Variants in LIPA observed in about 807,000 individuals in gnomAD.
LIPA encodes lysosomal acid lipase/cholesteryl ester hydrolase.
A neutral mutation model predicts 40.6 loss-of-function variants in LIPA; 26 were observed. That is an observed-to-expected ratio of 0.64 (90% CI 0.47 to 0.89). LIPA has a LOEUF of 0.89. LIPA is among the 40% of genes least tolerant of loss of function. LIPA has a pLI of 0.00. For missense variants in LIPA, 455 were observed against 479.6 expected (o/e 0.95, Z 0.48); for synonymous variants, 188 against 168.4 (o/e 1.12, Z -0.90).
chr10:89,314,332 T>C (rs1843530914), intron 1 of LIPA, among the ~76,000 whole-genome samples: 1 of 152,240 alleles, frequency 6.6e-6, no homozygotes, highest in Admixed American at 6.5e-5. Flanking sequence ...AGAATTTGAC[T>C]CCATATGTAA....
At chr10:89,282,621 C>G in intron 1 of LIPA, among the ~76,000 whole-genome samples, 1 of 151,660 alleles carries the variant, frequency 6.6e-6, no homozygotes, top group East Asian at 1.9e-4. Flanking sequence ...GCCTGGGTAA[C>G]AAGAGCGAAA....
chr10:89,383,941 G>C (rs765880730), intron 2 of LIPA: 1 of 1,614,184 alleles, frequency 6.2e-7, no homozygotes, highest in Admixed American at 1.7e-5. Flanking sequence ...AAAACGAGCT[G>C]TCAGGCTAAA....
intron 2 of LIPA, among the ~76,000 whole-genome samples, chr10:89,247,174 C>T (rs560939575): frequency 4.6e-5 from 7 of 151,794 alleles, no homozygotes; most frequent in South Asian, 2.1e-4. Context: ...AGTTCAAGAC[C>T]ACCCTGGGCA....
At chr10:89,330,992 C>T (rs1282192221) in intron 1 of LIPA, among the ~76,000 whole-genome samples, 1 of 150,164 alleles carries the variant, frequency 6.7e-6, no homozygotes, top group Non-Finnish European at 1.5e-5. Context: ...TCAGAAGGCT[C>T]AGGATCCAGT....
intron 2 of LIPA, among the ~76,000 whole-genome samples, chr10:89,400,932 C>G (rs1304584911): frequency 6.6e-6 from 1 of 151,406 alleles, no homozygotes; most frequent in African/African-American, 2.4e-5. Flanking sequence ...GAGATAGTTC[C>G]CCTGTATTAG....
At chr10:89,277,650 C>T (rs977829454) in intron 1 of LIPA, among the ~76,000 whole-genome samples, 2 of 152,146 alleles carry the variant, frequency 1.3e-5, no homozygotes, top group Non-Finnish European at 2.9e-5. Context: ...ATACAGAAAA[C>T]AACCACTGAA....
At chr10:89,280,892 TCC>T (rs1843311140) in intron 1 of LIPA, among the ~76,000 whole-genome samples, 1 of 152,180 alleles carries the variant, frequency 6.6e-6, no homozygotes, top group African/African-American at 2.4e-5. Context: ...CTCTTTGCAT[TCC>T]AGCTATTATA....
intron 2 of LIPA, among the ~76,000 whole-genome samples, chr10:89,402,044 C>A (rs1482473930): frequency 6.6e-6 from 1 of 152,146 alleles, no homozygotes; most frequent in Non-Finnish European, 1.5e-5. Flanking sequence ...CTCCATTCTA[C>A]AAATAGGACT....
chr10:89,256,867 T>C (rs1410505759), intron 1 of LIPA, among the ~76,000 whole-genome samples: 1 of 152,196 alleles, frequency 6.6e-6, no homozygotes, highest in Admixed American at 6.5e-5. Context: ...CTTTGGGCCA[T>C]TGTGAGCCAC....
chr10:89,267,859 T>C (rs1843246216), intron 1 of LIPA, among the ~76,000 whole-genome samples: 1 of 152,040 alleles, frequency 6.6e-6, no homozygotes, highest in African/African-American at 2.4e-5. Flanking sequence ...CGGAGGACAC[T>C]GGAACCGGCA....
intron 1 of LIPA, among the ~76,000 whole-genome samples, chr10:89,413,246 C>G (rs183000663): frequency 6.6e-6 from 1 of 152,136 alleles, no homozygotes; most frequent in Non-Finnish European, 1.5e-5. Flanking sequence ...TTTCTATTAA[C>G]TTATCAGTTT....
intron 1 of LIPA, among the ~76,000 whole-genome samples, chr10:89,286,031 T>C (rs1589588865): frequency 6.6e-6 from 1 of 152,134 alleles, no homozygotes; most frequent in African/African-American, 2.4e-5. Flanking sequence ...GCAATGCCAC[T>C]TAACCCCAAT....
At chr10:89,230,069 C>A (rs1382990400) in intron 3 of LIPA, among the ~76,000 whole-genome samples, 21 of 152,068 alleles carry the variant, frequency 1.4e-4, no homozygotes, top group Non-Finnish European at 5.9e-5. Flanking sequence ...CTCACCTGTA[C>A]CCGAGACAGT....
In LIPA at chr10:89,228,311, A is replaced by T. The variant is rs764293531; in HGVS notation, c.317T>A (p.Phe106Tyr). 2 of 1,614,118 alleles carry T rather than the reference A, an allele frequency of 1.2e-6. No homozygotes were observed. The highest frequency in any genetic ancestry group is 1.7e-5 in the Admixed American group (1 of 60,014). ...GTCAAAACCAGCATCAGCAAGAATG[A>T]AGCCCAGGCTGCTGTTGGCAAGGTT... is the stretch of plus-strand genomic sequence containing the variant. Reference protein sequence around the residue: ...VTNLANSSLGFILADAGFDVW... With the variant: ...VTNLANSSLGYILADAGFDVW... Residue 106 changes from phenylalanine to tyrosine, a missense_variant, in exon 4 of 10, where the codon TTC (phenylalanine) becomes TAC (tyrosine). Transcript: ENST00000336233.
In LIPA at chr10:89,280,655, G is replaced by A. The variant is rs150064240; in HGVS notation, c.-1-33006C>T. Among the ~76,000 whole-genome samples the A allele has an allele frequency of 5.4e-4, 83 of 152,304 alleles. No homozygotes were observed. In the Middle Eastern group the frequency reaches 0.02, roughly 37 times the overall value. ...CTGCTGATTTCTGCTACTTTTGACC[G>A]TAGCCCATATTTATGTGTCGGTTGG... On this transcript the variant is annotated intron_variant, in intron 1 of 5. Transcript: ENST00000282673.
intron 1 of LIPA, among the ~76,000 whole-genome samples, chr10:89,287,424 A>T (rs1002625067): frequency 2.0e-5 from 3 of 152,006 alleles, no homozygotes; most frequent in East Asian, 1.9e-4. Flanking sequence ...CCCTTTTTTA[A>T]TTATCCCCAC....
intron 1 of LIPA, among the ~76,000 whole-genome samples, chr10:89,251,326 C>A (rs1843116105): frequency 6.6e-6 from 1 of 152,200 alleles, no homozygotes; most frequent in South Asian, 2.1e-4. Flanking sequence ...CTTTCGACCA[C>A]GCCGTTGGCT....
intron 1 of LIPA, among the ~76,000 whole-genome samples, chr10:89,296,084 C>A (rs898256985): frequency 5.9e-5 from 9 of 152,186 alleles, no homozygotes; most frequent in Admixed American, 3.3e-4. Flanking sequence ...CAATAGTTTT[C>A]TTGAATACTG....
At chr10:89,316,427 C>G (rs1198482960) in intron 1 of LIPA, among the ~76,000 whole-genome samples, 1 of 152,238 alleles carries the variant, frequency 6.6e-6, no homozygotes, top group East Asian at 1.9e-4. Flanking sequence ...ATATCCTGCT[C>G]CTGGCTCAGA....
Sources: gnomAD v4.1 joint callset for allele counts (sites outside exome capture counted in the v4.1 genomes callset) on GRCh38, gnomAD v4.1.1 for gene constraint, MANE v1.5 for transcripts, NCBI Gene and HGNC (gene_info 2026-07-23, HGNC 2026-07-21) for gene names.